The following POP7 variants were observed in gnomAD, a reference collection of about 807,000 sequenced individuals.
The protein encoded by POP7 is ribonuclease P protein subunit p20.
POP7 carries 5 observed loss-of-function variants against 7.5 expected under a neutral mutation model. That is an observed-to-expected ratio of 0.66 (90% CI 0.35 to 1.40). The LOEUF (loss-of-function observed/expected upper bound fraction) is 1.40, where lower values mean the gene tolerates loss of function less well. POP7 is among the 40% of genes most tolerant of loss of function. The pLI, the probability that POP7 is intolerant of heterozygous loss-of-function variation, is 0.04. For missense variants in POP7, 170 were observed against 189.1 expected, an observed-to-expected ratio of 0.90 and a Z score of 0.59; for synonymous variants, 85 against 81.6, an observed-to-expected ratio of 1.04 and a Z score of -0.23.
In POP7 at chr7:100,706,893, C is replaced by G. The variant is rs753597528; in HGVS notation, c.63C>G (p.Thr21=). The stretch of plus-strand genomic sequence containing the variant: ...CTGAACTGGATCCAGTGGAATACAC[C>G]CTTAGGAAAAGGCTTCCCAGCCGCC... ...VEAELDPVEY[T]LRKRLPSRLP... The change falls in exon 2 of 2, where the codon ACC becomes ACG. Residue 21 remains threonine, a synonymous_variant. Transcript: ENST00000303151. 1 of 1,613,950 alleles carries G rather than the reference C, an allele frequency of 6.2e-7. No individual in the cohort carries two copies. The highest frequency in any genetic ancestry group is 1.7e-5 in the Admixed American group (1 of 60,016).
chr7:100,706,820 G>A lies in POP7; in HGVS notation c.-10-1G>A. The A allele has an allele frequency of 6.2e-7, 1 of 1,609,858 alleles. No homozygotes were observed. Among genetic ancestry groups the A allele is most frequent in the African/African-American group, 1.3e-5 (1 of 74,910 alleles). ...CTGATCGCGTCCCTTTCCCACGCCAGGGCACACAGCATGGCAGAAAACCGA... is the reference window on the plus strand; with the variant it reads ...CTGATCGCGTCCCTTTCCCACGCCAAGGCACACAGCATGGCAGAAAACCGA... On this transcript the variant is annotated splice_acceptor_variant, in intron 1 of 1. Transcript: ENST00000303151. LOFTEE classifies it low-confidence loss of function (5UTR_SPLICE).
rs755458828 is a variant in POP7, at chr7:100,707,203, C to T, written c.373C>T (p.Arg125Cys). The change falls in exon 2 of 2, where the codon CGC becomes TGC. Residue 125 changes from arginine (R) to cysteine (C), a missense_variant. By Grantham distance (180) the Arg-to-Cys change is radical. Coordinates refer to ENST00000303151, the MANE Select transcript of POP7 (RefSeq NM_005837.3). ...TDTREPLTRI[R>C]NNSAIHIRVF... The stretch of plus-strand genomic sequence containing the variant: ...CACACGGGAGCCACTGACTCGGATC[C>T]GCAACAACTCAGCCATCCACATCCG... 9 of 1,614,090 alleles carry T rather than the reference C, an allele frequency of 5.6e-6. No homozygotes were observed. Among genetic ancestry groups the T allele is most frequent in the Non-Finnish European group, 6.8e-6 (8 of 1,180,048 alleles).
Position 100,707,265 on chromosome 7 carries a change from C to A in POP7, c.*12C>A. 1.9e-6 allele frequency: 3 copies of A among 1,608,696 alleles called. No homozygotes were observed. Among genetic ancestry groups the A allele is most frequent in the Non-Finnish European group, 2.6e-6 (3 of 1,175,812 alleles). On this transcript the variant is annotated 3_prime_UTR_variant, in exon 2 of 2. Coordinates refer to ENST00000303151, the MANE Select transcript of POP7 (RefSeq NM_005837.3). ...TCACACCCAAGTAATTGAAAAGACA[C>A]TCCTCCACTTATCCCCTCCGTGATA...
chr7:100,707,156 A>G lies in POP7; in HGVS notation c.326A>G (p.Asp109Gly). Residue 109 changes from aspartate (D) to glycine (G), a missense_variant, in exon 2 of 2, where the codon GAT becomes GGT. By Grantham distance (94) the Asp-to-Gly change is moderately conservative (BLOSUM62 -1). Coordinates refer to ENST00000303151, the MANE Select transcript of POP7 (RefSeq NM_005837.3). ...AANTSTVELV[D>G]ELEPETDTRE... ...AATACCTCCACCGTGGAGCTTGTTGATGAGCTGGAGCCAGAGACCGACACA... is the reference window on the plus strand; with the variant it reads ...AATACCTCCACCGTGGAGCTTGTTGGTGAGCTGGAGCCAGAGACCGACACA... The G allele has an allele frequency of 6.2e-7, 1 of 1,614,146 alleles. No homozygotes were observed.
chr7:100,707,190 A>C lies in POP7; in HGVS notation c.360A>C (p.Pro120=). Residue 120 remains proline, a synonymous_variant, in exon 2 of 2, where the codon CCA becomes CCC. Transcript: ENST00000303151. ...AGCCAGAGACCGACACACGGGAGCC[A>C]CTGACTCGGATCCGCAACAACTCAG... ...ELEPETDTRE[P]LTRIRNNSAI... 1.2e-6 allele frequency: 2 copies of C among 1,614,232 alleles called. No individual in the cohort carries two copies. Among genetic ancestry groups the C allele is most frequent in the Non-Finnish European group, 1.7e-6 (2 of 1,180,052 alleles).
At position 100,707,293 on chromosome 7, in the gene POP7, G is replaced by T; in HGVS notation, c.*40G>T. The T allele has an allele frequency of 6.3e-7, 1 of 1,581,562 alleles. No homozygotes were observed. The highest frequency in any genetic ancestry group is 8.6e-7 in the Non-Finnish European group (1 of 1,160,508). ...CTCCACTTATCCCCTCCGTGATATG[G>T]CTCTTCGCATGCTGAGTACTGGACC... On this transcript the variant is annotated 3_prime_UTR_variant, in exon 2 of 2. Transcript: ENST00000303151.
intron 1 of POP7, among the ~76,000 whole-genome samples, chr7:100,706,605 T>C (rs1364426449): frequency 6.6e-6 from 1 of 151,794 alleles, no homozygotes; most frequent in Non-Finnish European, 1.5e-5. Flanking sequence ...GCCCGGGTAA[T>C]TAAAAAAATT....
In POP7 at chr7:100,707,222, A is replaced by T. The variant is rs781744076; in HGVS notation, c.392A>T (p.His131Leu). ...LTRIRNNSAIHIRVFRVTPK is the reference protein window; with the variant it reads ...LTRIRNNSAILIRVFRVTPK ...CGGATCCGCAACAACTCAGCCATCC[A>T]CATCCGAGTCTTCAGGGTCACACCC... The change falls in exon 2 of 2, where the codon CAC becomes CTC. Residue 131 changes from histidine (H) to leucine (L), a missense_variant. His to Leu is a moderately conservative substitution (Grantham distance 99). Transcript: ENST00000303151. 3 of 1,614,058 alleles carry T rather than the reference A, an allele frequency of 1.9e-6. No individual in the cohort carries two copies. The highest frequency in any genetic ancestry group is 2.5e-6 in the Non-Finnish European group (3 of 1,179,902).
At position 100,707,038 on chromosome 7, in the gene POP7, T is replaced by C. The variant is rs1168463977; in HGVS notation, c.208T>C (p.Tyr70His). 1.9e-6 allele frequency: 3 copies of C among 1,614,148 alleles called. No individual in the cohort carries two copies. The highest frequency in any genetic ancestry group is 2.5e-6 in the Non-Finnish European group (3 of 1,180,036). The change falls in exon 2 of 2, where the codon TAC (tyrosine) becomes CAC (histidine). Residue 70 changes from tyrosine to histidine, a missense_variant. Tyr to His is a moderately conservative substitution (Grantham distance 83). Transcript: ENST00000303151. The part of the protein sequence containing the change: ...ARGQNACSEI[Y>H]IHGLGLAINR... ...GGGTCAGAACGCGTGCTCTGAGATCTACATTCACGGCTTGGGCCTGGCCAT... is the reference window on the plus strand; with the variant it reads ...GGGTCAGAACGCGTGCTCTGAGATCCACATTCACGGCTTGGGCCTGGCCAT...
At chr7:100,706,726 C>A in intron 1 of POP7, 95 bp from the exon 2 acceptor site, 3 of 1,303,986 alleles carry the variant, frequency 2.3e-6, no homozygotes, top group Non-Finnish European at 3.2e-6. Flanking sequence ...GCGTGAGCCA[C>A]TGCCCGGCCA....
Position 100,707,271 on chromosome 7 carries a change from C to T in POP7, c.*18C>T. ...CCAAGTAATTGAAAAGACACTCCTCCACTTATCCCCTCCGTGATATGGCTC... is the reference window on the plus strand; with the variant it reads ...CCAAGTAATTGAAAAGACACTCCTCTACTTATCCCCTCCGTGATATGGCTC... On this transcript the variant is annotated 3_prime_UTR_variant, in exon 2 of 2. Coordinates refer to ENST00000303151, the MANE Select transcript of POP7 (RefSeq NM_005837.3). 1 of 1,605,874 alleles carries T rather than the reference C, an allele frequency of 6.2e-7. No individual in the cohort carries two copies. The highest frequency in any genetic ancestry group is 1.7e-4 in the Middle Eastern group (1 of 6,038).
Position 100,707,329 on chromosome 7 carries a change from G to A in POP7, c.*76G>A, listed in dbSNP as rs1806539229. 1.4e-6 allele frequency: 2 copies of A among 1,475,736 alleles called. No homozygotes were observed. 91.4% of individuals were successfully genotyped at this position (1,475,736 alleles called of 1,614,324 possible). On this transcript the variant is annotated 3_prime_UTR_variant, in exon 2 of 2. Coordinates refer to ENST00000303151, the MANE Select transcript of POP7 (RefSeq NM_005837.3). ...GCTGAGTACTGGACCTCGGACCAGA[G>A]CCATGTAAGAAAAGGCCTGTTCCCT... is the stretch of plus-strand genomic sequence containing the variant.
rs1806540490 is a variant in POP7 at position 100,707,411 on chromosome 7, G to A, written c.*158G>A. ...GGGTAATTGTCTCTTGGTGGGCCCA[G>A]TTAGTGGGCCTTCCTGAGTGTGTGT... is the stretch of plus-strand genomic sequence containing the variant. On this transcript the variant is annotated 3_prime_UTR_variant, in exon 2 of 2. Transcript: ENST00000303151. 3 of 814,640 alleles carry A rather than the reference G, an allele frequency of 3.7e-6. No individual in the cohort carries two copies. Among genetic ancestry groups the A allele is most frequent in the Non-Finnish European group, 5.8e-6 (3 of 518,306 alleles). The allele number at this position is 814,640 out of a possible 1,614,324, so 50.5% of individuals were successfully genotyped here.
Position 100,707,277 on chromosome 7 carries a change from T to A in POP7, c.*24T>A, listed in dbSNP as rs761442420. 1 of 1,601,766 alleles carries A rather than the reference T, an allele frequency of 6.2e-7. No individual in the cohort carries two copies. The highest frequency in any genetic ancestry group is 1.1e-5 in the South Asian group (1 of 90,094). On this transcript the variant is annotated 3_prime_UTR_variant, in exon 2 of 2. Coordinates refer to ENST00000303151, the MANE Select transcript of POP7 (RefSeq NM_005837.3). Reference sequence around the variant, plus strand: ...AATTGAAAAGACACTCCTCCACTTATCCCCTCCGTGATATGGCTCTTCGCA... The same window carrying A: ...AATTGAAAAGACACTCCTCCACTTAACCCCTCCGTGATATGGCTCTTCGCA...
chr7:100,706,227 GGGCT>G lies in POP7; in HGVS notation c.-84_-81del, dbSNP rs1335576441. On this transcript the variant is annotated 5_prime_UTR_variant, in exon 1 of 2. Transcript: ENST00000303151. The stretch of plus-strand genomic sequence containing the variant: ...CTGGGACCTGGGGTCGCGGTTACTT[GGGCT>G]GGCCGGCGAACCCTTGAGTGGCCTG... 1.3e-5 allele frequency: 2 copies of G among 153,162 alleles called. No individual in the cohort carries two copies. The highest frequency in any genetic ancestry group is 2.9e-5 in the Non-Finnish European group (2 of 68,706). The allele number at this position is 153,162 out of a possible 1,614,324, so 9.5% of individuals were successfully genotyped here. A position where few individuals can be genotyped will look rare whatever the true frequency, so the allele number is the denominator to read the frequency against.
intron 1 of POP7, 108 bp from the exon 2 acceptor site, chr7:100,706,711 TAC>T: frequency 9.0e-7 from 1 of 1,105,316 alleles, no homozygotes; most frequent in East Asian, 2.4e-5. Flanking sequence ...GTGCTGAGGT[TAC>T]AGGCGTGAGC....
Position 100,706,950 on chromosome 7 carries a change from C to T in POP7, c.120C>T (p.Asn40=), listed in dbSNP as rs1181091603. 10 of 1,614,110 alleles carry T rather than the reference C, an allele frequency of 6.2e-6. 1 individual carries two copies. The South Asian group carries it at 9.9e-5, about 16-fold the overall frequency. The part of the protein sequence containing the change: ...LPRRPNDIYV[N]MKTDFKAQLA... ...GGAGACCCAATGACATTTATGTCAA[C>T]ATGAAGACGGACTTTAAGGCCCAGC... Residue 40 remains asparagine, a synonymous_variant, in exon 2 of 2, where the codon AAC becomes AAT. Transcript: ENST00000303151.
rs867458746 is a variant in POP7 at position 100,707,120 on chromosome 7, A to G, written c.290A>G (p.Gln97Arg). ...QLQAGSFGSLQVAANTSTVEL... is the reference protein window; with the variant it reads ...QLQAGSFGSLRVAANTSTVEL... ...CAGGCGGGCAGCTTCGGGTCCTTGC[A>G]GGTGGCTGCCAATACCTCCACCGTG... Residue 97 changes from glutamine (Q) to arginine (R), a missense_variant, in exon 2 of 2, where the codon CAG (glutamine) becomes CGG (arginine). Transcript: ENST00000303151. 1 of 1,614,134 alleles carries G rather than the reference A, an allele frequency of 6.2e-7. No homozygotes were observed. Among genetic ancestry groups the G allele is most frequent in the Middle Eastern group, 1.6e-4 (1 of 6,062 alleles).
At position 100,707,151 on chromosome 7, in the gene POP7, T is replaced by C; in HGVS notation, c.321T>C (p.Leu107=). The change falls in exon 2 of 2, where the codon CTT becomes CTC. Residue 107 remains leucine, a synonymous_variant. Coordinates refer to ENST00000303151, the MANE Select transcript of POP7 (RefSeq NM_005837.3). ...CTGCCAATACCTCCACCGTGGAGCTTGTTGATGAGCTGGAGCCAGAGACCG... is the reference window on the plus strand; with the variant it reads ...CTGCCAATACCTCCACCGTGGAGCTCGTTGATGAGCTGGAGCCAGAGACCG... The part of the protein sequence containing the change: ...QVAANTSTVE[L]VDELEPETDT... 6.2e-7 allele frequency: 1 copy of C among 1,614,142 alleles called. No individual in the cohort carries two copies. The highest frequency in any genetic ancestry group is 8.5e-7 in the Non-Finnish European group (1 of 1,180,026).
Sources: allele counts gnomAD v4.1 joint callset (sites outside exome capture counted in the v4.1 genomes callset), GRCh38; gene constraint gnomAD v4.1.1; transcripts MANE v1.5; gene names NCBI Gene and HGNC (gene_info 2026-07-23, HGNC 2026-07-21).